MSN: variants seen among roughly 807,000 people sequenced by gnomAD.
The protein encoded by MSN is epididymis luminal protein 70.
Under a neutral mutation model 48.0 loss-of-function variants are expected in MSN, and 2 were observed. That is an observed-to-expected ratio of 0.04 (90% CI 0.02 to 0.13). MSN has a LOEUF of 0.13. Among genes scored for constraint, MSN ranks in the 10% least tolerant of loss-of-function variants. The probability of loss-of-function intolerance (pLI) is 1.00; values close to 1 mark genes in which losing one functional copy is unlikely to be tolerated. For missense variants in MSN, 267 were observed against 470.1 expected, an observed-to-expected ratio of 0.57 and a Z score of 3.99; for synonymous variants, 146 against 166.9, an observed-to-expected ratio of 0.87 and a Z score of 0.97.
chrX:65,647,347 G>T (rs1472242948), intron 1 of MSN, among the ~76,000 whole-genome samples: 1 of 109,977 alleles, frequency 9.1e-6, no homozygotes, highest in Non-Finnish European at 1.9e-5. Flanking sequence ...AAGCAGCTGG[G>T]ATTACAGGTG....
intron 1 of MSN, among the ~76,000 whole-genome samples, chrX:65,659,146 C>G (rs1485288842): frequency 9.4e-6 from 1 of 106,021 alleles, no homozygotes; most frequent in African/African-American, 3.5e-5. Flanking sequence ...GCCTGGCTAC[C>G]TTTTTTCTTT....
chrX:65,614,238 T>A (rs148320663), intron 1 of MSN, among the ~76,000 whole-genome samples: 14,401 of 111,384 alleles, frequency 0.13, 2,275 homozygotes, highest in African/African-American at 0.44. Context: ...ATATATCTGT[T>A]TTGGTACCAG....
chrX:65,709,021 G>A (rs2071389850), intron 1 of MSN, among the ~76,000 whole-genome samples: 1 of 112,314 alleles, frequency 8.9e-6, no homozygotes, highest in Admixed American at 9.5e-5. Flanking sequence ...ATTCCATTAT[G>A]TATATATGCC....
intron 1 of MSN, among the ~76,000 whole-genome samples, chrX:65,590,175 T>C (rs2070134637): frequency 9.0e-6 from 1 of 111,437 alleles, no homozygotes; most frequent in South Asian, 3.7e-4. Context: ...TACTACCATA[T>C]TCAGCAGCTG....
At chrX:65,620,071 A>G (rs1202574590) in intron 1 of MSN, among the ~76,000 whole-genome samples, 1 of 112,174 alleles carries the variant, frequency 8.9e-6, no homozygotes, top group Non-Finnish European at 1.9e-5. Context: ...CCGTTCTCAG[A>G]TCTCCAGCTG....
intron 1 of MSN, among the ~76,000 whole-genome samples, chrX:65,597,563 G>A (rs947596778): frequency 9.0e-6 from 1 of 110,595 alleles, no homozygotes; most frequent in African/African-American, 3.3e-5. Context: ...GCCTAGACTG[G>A]TCTTAAACTC....
At chrX:65,697,986 C>G (rs2071262374) in intron 1 of MSN, among the ~76,000 whole-genome samples, 1 of 111,804 alleles carries the variant, frequency 8.9e-6, no homozygotes, top group Admixed American at 9.5e-5. Flanking sequence ...GCTCCCTCCC[C>G]AGTCAACCAA....
At chrX:65,613,386 T>C (rs182298406) in intron 1 of MSN, among the ~76,000 whole-genome samples, 497 of 114,832 alleles carry the variant, frequency 4.3e-3, no homozygotes, top group African/African-American at 0.014. Flanking sequence ...TTTGGGAATA[T>C]ACCCAGTAAT....
At chrX:65,640,717 T>C (rs1273117307) in intron 1 of MSN, among the ~76,000 whole-genome samples, 2 of 110,725 alleles carry the variant, frequency 1.8e-5, no homozygotes, top group Non-Finnish European at 3.8e-5. Context: ...CAGAGGGGAG[T>C]GGGTAGCAGA....
At chrX:65,636,747 CAAAAAAAA>C (rs1219240320) in intron 1 of MSN, among the ~76,000 whole-genome samples, 47 of 6,338 alleles carry the variant, frequency 7.4e-3, no homozygotes, top group African/African-American at 0.016. Flanking sequence ...AACTCCATCT[CAAAAAAAA>C]AAAAAAAAAA....
At chrX:65,637,815 A>G (rs762341870) in intron 1 of MSN, among the ~76,000 whole-genome samples, 4 of 111,462 alleles carry the variant, frequency 3.6e-5, no homozygotes, top group Non-Finnish European at 7.5e-5. Context: ...GGTGTGAACC[A>G]CCATGCCTCT....
chrX:65,735,459 C>G, intron 8 of MSN, 29 bp downstream of exon 8: 2 of 1,178,924 alleles, frequency 1.7e-6, no homozygotes, highest in Non-Finnish European at 2.3e-6. Context: ...TGTGGGGGGC[C>G]AGGGCTGGGG....
At chrX:65,667,996 C>A in intron 1 of MSN, 143 bp downstream of exon 1, 1 of 692,682 alleles carries the variant, frequency 1.4e-6, no homozygotes, top group Non-Finnish European at 2.2e-6. Flanking sequence ...GGGAGGGGAC[C>A]GGAGTGGGAT....
intron 1 of MSN, among the ~76,000 whole-genome samples, chrX:65,602,031 T>A (rs5964446): frequency 9.0e-6 from 1 of 111,655 alleles, no homozygotes; most frequent in African/African-American, 3.3e-5. Context: ...CTGAGCGTTC[T>A]ACAGCTCCAT....
chrX:65,716,437 G>C (rs140091484), intron 1 of MSN: 1 of 246,548 alleles, frequency 4.1e-6, no homozygotes, highest in East Asian at 1.1e-4. Flanking sequence ...CACCATGCCC[G>C]GATAATTTTT....
chrX:65,695,475 T>C (rs2071225176), intron 1 of MSN, among the ~76,000 whole-genome samples: 1 of 84,141 alleles, frequency 1.2e-5, no homozygotes, highest in African/African-American at 5.1e-5. Context: ...GCCATTGCAC[T>C]CCAGGCTGGG....
chrX:65,621,038 C>A (rs986631227), intron 1 of MSN, among the ~76,000 whole-genome samples: 1 of 109,472 alleles, frequency 9.1e-6, no homozygotes, highest in African/African-American at 3.3e-5. Flanking sequence ...CCATTATCCT[C>A]CTGAGTAGCT....
intron 1 of MSN, among the ~76,000 whole-genome samples, chrX:65,632,180 T>C (rs1292137296): frequency 8.9e-6 from 1 of 111,848 alleles, no homozygotes; most frequent in Non-Finnish European, 1.9e-5. Context: ...TAATAATAGA[T>C]TGTTAAGCCA....
chrX:65,633,375 C>T lies in MSN; in HGVS notation c.-22+44763C>T, dbSNP rs182840310. 2.2e-3 allele frequency among the ~76,000 whole-genome samples: 250 copies of T among 112,174 alleles called. 1 individual carries two copies. The highest frequency in any genetic ancestry group is 4.1e-3 in the Non-Finnish European group (219 of 53,207). ...TCAAGGGCTTCTGTTATAAAAAGCT[C>T]TTTATGCATTAGGCATATTTACAAT... On this transcript the variant is annotated intron_variant, in intron 1 of 3. Transcript: ENST00000609672.
Sources: allele counts gnomAD v4.1 joint callset (sites outside exome capture counted in the v4.1 genomes callset), GRCh38; gene constraint gnomAD v4.1.1; transcripts MANE v1.5; gene names NCBI Gene and HGNC (gene_info 2026-07-23, HGNC 2026-07-21).